The following DOCK3 variants were observed in gnomAD, a reference collection of about 807,000 sequenced individuals.
DOCK3 encodes dedicator of cytokinesis 3, also known as dedicator of cytokinesis protein 3.
Under a neutral mutation model 265.6 loss-of-function variants are expected in DOCK3, and 60 were observed. The ratio of observed to expected loss-of-function variants is 0.23; its 90% CI spans 0.18 to 0.28. The LOEUF (loss-of-function observed/expected upper bound fraction) is 0.28. DOCK3 is among the 10% of genes least tolerant of loss of function. The pLI is 1.00. For synonymous variants in DOCK3, 881 were observed against 938.0 expected (o/e 0.94, Z 1.11); for missense variants, 1,981 against 2,594.3 (o/e 0.76, Z 5.14).
intron 24 of DOCK3, among the ~76,000 whole-genome samples, chr3:51,274,316 CA>C (rs1282302760): frequency 6.6e-6 from 1 of 152,160 alleles, no homozygotes; most frequent in Non-Finnish European, 1.5e-5. Flanking sequence ...TAAACACTCA[CA>C]GGGGTGGAAG....
At chr3:51,251,626 G>T (rs1223158328) in intron 22 of DOCK3, among the ~76,000 whole-genome samples, 1 of 152,228 alleles carries the variant, frequency 6.6e-6, no homozygotes, top group African/African-American at 2.4e-5. Flanking sequence ...GACCCGTGAT[G>T]ATGAGCTTTT....
intron 1 of DOCK3, 73 bp from the exon 2 acceptor site, chr3:50,778,602 C>A: frequency 1.8e-6 from 2 of 1,141,604 alleles, no homozygotes; most frequent in Non-Finnish European, 2.5e-6. Context: ...AAATTTAGTG[C>A]TTAATTCAGT....
chr3:50,884,969 G>A (rs1378621972), intron 3 of DOCK3, among the ~76,000 whole-genome samples: 1 of 152,096 alleles, frequency 6.6e-6, no homozygotes, highest in Non-Finnish European at 1.5e-5. Flanking sequence ...AATGCACAAT[G>A]TCATGTAGCT....
At chr3:51,117,728 G>C (rs980468779) in intron 9 of DOCK3, among the ~76,000 whole-genome samples, 2 of 152,084 alleles carry the variant, frequency 1.3e-5, no homozygotes, top group Non-Finnish European at 2.9e-5. Flanking sequence ...ATTTCTTCTA[G>C]GTTTTCTAGT....
chr3:50,965,607 A>G (rs2108422946), intron 5 of DOCK3, among the ~76,000 whole-genome samples: 1 of 152,254 alleles, frequency 6.6e-6, no homozygotes, highest in Admixed American at 6.5e-5. Context: ...CTATTTCTGT[A>G]TATAATAACT....
chr3:50,918,765 T>G (rs1437632941), intron 4 of DOCK3, among the ~76,000 whole-genome samples: 1 of 152,230 alleles, frequency 6.6e-6, no homozygotes, highest in African/African-American at 2.4e-5. Context: ...TTTAGTTTAA[T>G]TAGATCCCAT....
chr3:51,182,383 A>G (rs2087350657), intron 12 of DOCK3, among the ~76,000 whole-genome samples: 1 of 152,184 alleles, frequency 6.6e-6, no homozygotes. Context: ...TGCAAAAGTA[A>G]TTGTGGTTTT....
intron 1 of DOCK3, among the ~76,000 whole-genome samples, chr3:50,699,069 T>C (rs2035855242): frequency 6.6e-6 from 1 of 152,242 alleles, no homozygotes; most frequent in African/African-American, 2.4e-5. Context: ...AGGTCTTTTA[T>C]CCATTTCGAG....
At chr3:51,368,017 C>A (rs528246443) in intron 49 of DOCK3, among the ~76,000 whole-genome samples, 5 of 152,254 alleles carry the variant, frequency 3.3e-5, no homozygotes, top group Non-Finnish European at 7.3e-5. Context: ...CTCTGTATTT[C>A]CTGAATTTGA....
chr3:51,201,465 G>A (rs1000865729), intron 12 of DOCK3, among the ~76,000 whole-genome samples: 1 of 152,168 alleles, frequency 6.6e-6, no homozygotes, highest in African/African-American at 2.4e-5. Flanking sequence ...TCAACAAGAA[G>A]AGCTAACTAT....
At chr3:51,351,603 T>C (rs1364909963) in intron 40 of DOCK3, among the ~76,000 whole-genome samples, 2 of 151,860 alleles carry the variant, frequency 1.3e-5, no homozygotes, top group African/African-American at 2.4e-5. Context: ...GCTCTAACTC[T>C]ATTCCACAGG....
At chr3:51,289,517 A>T (rs534187238) in intron 27 of DOCK3, among the ~76,000 whole-genome samples, 1 of 152,222 alleles carries the variant, frequency 6.6e-6, no homozygotes, top group East Asian at 1.9e-4. Flanking sequence ...GGATCTACAA[A>T]CAACCAACCA....
chr3:50,732,017 T>C (rs1305243435), intron 1 of DOCK3, among the ~76,000 whole-genome samples: 1 of 151,796 alleles, frequency 6.6e-6, no homozygotes, highest in Non-Finnish European at 1.5e-5. Context: ...TGGCAAAGTC[T>C]GAGAACAAGG....
chr3:51,282,666 A>AG (rs2081191786), intron 27 of DOCK3, among the ~76,000 whole-genome samples: 1 of 88,704 alleles, frequency 1.1e-5, no homozygotes, highest in African/African-American at 3.9e-5. Context: ...AAAAAAAAAA[A>AG]AAAGAAAAGA....
intron 2 of DOCK3, among the ~76,000 whole-genome samples, chr3:50,837,565 A>C (rs1484952584): frequency 6.6e-6 from 1 of 152,170 alleles, no homozygotes; most frequent in Non-Finnish European, 1.5e-5. Flanking sequence ...TCCCTCCCTC[A>C]GCATGTGGGG....
At chr3:51,067,427 T>TTGTGTGTGTGTGTGTGTGTGTGTG (rs60551624) in intron 6 of DOCK3, among the ~76,000 whole-genome samples, 4 of 144,108 alleles carry the variant, frequency 2.8e-5, no homozygotes, top group African/African-American at 7.9e-5. Context: ...TGAAATATGT[T>TTGTGTGTGTGTGTGTGTGTGTGTG]TGTGTGTGTG....
chr3:51,037,633 A>G (rs1302280388), intron 5 of DOCK3, among the ~76,000 whole-genome samples: 1 of 152,202 alleles, frequency 6.6e-6, no homozygotes, highest in Non-Finnish European at 1.5e-5. Context: ...AGAACCTATA[A>G]GGAGATTTAT....
rs889504925 is a variant in DOCK3, at chr3:51,307,924, A to G, written c.2923-2308A>G. ...TTTCTCTCCAACAAATGCCTTGGGT[A>G]TAGAGTTTTCCTCACTGAGTGAGCT... On this transcript the variant is annotated intron_variant, in intron 27 of 52. Transcript: ENST00000266037. Among the ~76,000 whole-genome samples the G allele has an allele frequency of 9.4e-5, 11 of 116,590 alleles. No homozygotes were observed. The East Asian group carries it at 2.4e-3, about 26-fold the overall frequency. The allele number at this position is 116,590 out of a possible 152,430, so 76.5% of individuals were successfully genotyped here.
rs71084118 is a variant in DOCK3 at position 50,854,592 on chromosome 3, G to GT, written c.162+12895dup. On this transcript the variant is annotated intron_variant, in intron 3 of 52. Transcript: ENST00000266037. ...GCTACAGATGAGCACCATCACACCAGTTTTTTTTTTTTTTTTTTGGTGGTC... is the reference window on the plus strand; with the variant it reads ...GCTACAGATGAGCACCATCACACCAGTTTTTTTTTTTTTTTTTTTGGTGGTC... Among the ~76,000 whole-genome samples, 23 of 47,220 alleles carry GT rather than the reference G, an allele frequency of 4.9e-4. 5 individuals carry two copies. Among genetic ancestry groups the GT allele is most frequent in the South Asian group, 4.3e-3 (3 of 704 alleles). The allele number at this position is 47,220 out of a possible 152,430, so 31.0% of individuals were successfully genotyped here.
Sources: gnomAD v4.1 joint callset for allele counts (sites outside exome capture counted in the v4.1 genomes callset) on GRCh38, gnomAD v4.1.1 for gene constraint, MANE v1.5 for transcripts, NCBI Gene and HGNC (gene_info 2026-07-23, HGNC 2026-07-21) for gene names.